Variants in PPP2R2C observed in about 807,000 individuals in gnomAD.
The protein encoded by PPP2R2C is protein phosphatase 2 regulatory subunit Bgamma, also known as protein phosphatase 2, regulatory subunit B, gamma.
Under a neutral mutation model 45.3 loss-of-function variants are expected in PPP2R2C, and 10 were observed. The observed-to-expected ratio is 0.22, with a 90% CI of 0.14 to 0.37. The LOEUF (loss-of-function observed/expected upper bound fraction) is 0.37. PPP2R2C is among the 10% of genes least tolerant of loss of function. PPP2R2C has a pLI of 1.00. For missense variants in PPP2R2C, 308 were observed against 619.7 expected, an observed-to-expected ratio of 0.50 and a Z score of 5.34; for synonymous variants, 257 against 245.4, an observed-to-expected ratio of 1.05 and a Z score of -0.44.
chr4:6,544,649 C>T (rs1395548078), intron 1 of PPP2R2C, among the ~76,000 whole-genome samples: 1 of 152,178 alleles, frequency 6.6e-6, no homozygotes, highest in Non-Finnish European at 1.5e-5. Context: ...AAAAGCATTC[C>T]TAAATTGTAT....
Position 6,378,486 on chromosome 4 carries a change from G to A in PPP2R2C, c.255C>T (p.Ser85=). The change falls in exon 3 of 9, where the codon AGC becomes AGT. Residue 85 remains serine, a synonymous_variant. Transcript: ENST00000382599. The surrounding 1 kb of genome is among the most constrained non-coding windows in gnomAD (Gnocchi z 5.2). The part of the protein sequence containing the change: ...SHEPEFDYLK[S]LEIEEKINKI... The stretch of plus-strand genomic sequence containing the variant: ...TGTTGATCTTCTCCTCTATCTCCAG[G>A]CTCTTGAGATAGTCAAACTCCGGCT... The A allele has an allele frequency of 6.2e-7, 1 of 1,614,140 alleles. No individual in the cohort carries two copies. The highest frequency in any genetic ancestry group is 8.5e-7 in the Non-Finnish European group (1 of 1,180,032).
chr4:6,363,017 C>T (rs1401206932), intron 5 of PPP2R2C, among the ~76,000 whole-genome samples: 3 of 152,308 alleles, frequency 2.0e-5, no homozygotes, highest in South Asian at 2.1e-4. Context: ...ACATCGGCAG[C>T]GTGCTCAGAA....
rs1399122406 is a variant in PPP2R2C at position 6,378,668 on chromosome 4, G to A, written c.169-96C>T. On this transcript the variant is annotated intron_variant, in intron 2 of 8. Coordinates refer to ENST00000382599, the MANE Select transcript of PPP2R2C (RefSeq NM_020416.4). The surrounding 1 kb of genome is among the most constrained non-coding windows in gnomAD (Gnocchi z 5.2). The stretch of plus-strand genomic sequence containing the variant: ...CCAGCAGGGCCGGCCGTGGGACCAA[G>A]TGCCGAGCCGTGCCAGGGATCCAAT... 3.2e-6 allele frequency: 4 copies of A among 1,269,470 alleles called. No individual in the cohort carries two copies. Among genetic ancestry groups the A allele is most frequent in the East Asian group, 2.3e-5 (1 of 42,736 alleles). The allele number at this position is 1,269,470 out of a possible 1,614,324, so 78.6% of individuals were successfully genotyped here.
intron 1 of PPP2R2C, among the ~76,000 whole-genome samples, chr4:6,441,405 G>A (rs73796204): frequency 0.02 from 3,014 of 151,944 alleles, 93 homozygotes; most frequent in African/African-American, 0.067. Flanking sequence ...TCCTCAGCCC[G>A]CCCCATGAGC....
intron 1 of PPP2R2C, among the ~76,000 whole-genome samples, chr4:6,424,080 T>G (rs1351484525): frequency 6.6e-6 from 1 of 152,158 alleles, no homozygotes; most frequent in Non-Finnish European, 1.5e-5. Context: ...GGATGTGGCT[T>G]AAGGCCAGGA....
intron 2 of PPP2R2C, among the ~76,000 whole-genome samples, chr4:6,534,832 G>C (rs1396622599): frequency 1.3e-5 from 2 of 152,232 alleles, no homozygotes; most frequent in Non-Finnish European, 2.9e-5. Flanking sequence ...TGTCTGTCTG[G>C]GTCGGCCGCT....
chr4:6,546,846 G>C (rs1000925143), intron 1 of PPP2R2C, among the ~76,000 whole-genome samples: 1 of 152,178 alleles, frequency 6.6e-6, no homozygotes, highest in African/African-American at 2.4e-5. Flanking sequence ...GCCGTGAAGC[G>C]GGGGCTCTGC....
chr4:6,387,156 A>G (rs1716269812), intron 1 of PPP2R2C, among the ~76,000 whole-genome samples: 1 of 152,118 alleles, frequency 6.6e-6, no homozygotes, highest in African/African-American at 2.4e-5. Context: ...GAGGGAGGGG[A>G]GAGAGAAGAT....
At chr4:6,522,998 C>G (rs867729308) in intron 2 of PPP2R2C, among the ~76,000 whole-genome samples, 1 of 152,198 alleles carries the variant, frequency 6.6e-6, no homozygotes, top group African/African-American at 2.4e-5. Context: ...AGGGGTGGAC[C>G]GGGGAGGCTC....
At chr4:6,526,325 T>C (rs1438592564) in intron 2 of PPP2R2C, among the ~76,000 whole-genome samples, 1 of 152,248 alleles carries the variant, frequency 6.6e-6, no homozygotes, top group African/African-American at 2.4e-5. Context: ...AGGCTATGCT[T>C]CCCAGCCTGA....
intron 2 of PPP2R2C, among the ~76,000 whole-genome samples, chr4:6,379,729 T>C (rs1012402837): frequency 6.6e-6 from 1 of 152,208 alleles, no homozygotes; most frequent in African/African-American, 2.4e-5. Context: ...GCAGCTAGGA[T>C]GTGCCCCTTG....
intron 6 of PPP2R2C, among the ~76,000 whole-genome samples, chr4:6,334,455 T>G (rs1732677431): frequency 6.6e-6 from 1 of 152,124 alleles, no homozygotes; most frequent in African/African-American, 2.4e-5. Context: ...CAATGAGGAC[T>G]CCCCAGACAG....
At chr4:6,375,784 A>C (rs1715248453) in intron 4 of PPP2R2C, 35 bp downstream of exon 4, 1 of 1,483,588 alleles carries the variant, frequency 6.7e-7, no homozygotes, top group Non-Finnish European at 9.3e-7. Flanking sequence ...TGTAATAAAG[A>C]GGCGTGTGCC....
At chr4:6,350,103 T>C in intron 5 of PPP2R2C, 1 of 985,404 alleles carries the variant, frequency 1.0e-6, no homozygotes, top group Non-Finnish European at 1.2e-6. Flanking sequence ...AAGGCATCAC[T>C]GCCTGGCTGG....
chr4:6,487,262 A>C (rs1236526103), intron 2 of PPP2R2C, among the ~76,000 whole-genome samples: 2 of 151,972 alleles, frequency 1.3e-5, no homozygotes, highest in Non-Finnish European at 2.9e-5. Context: ...TAAAATAATA[A>C]GAGAAAATAT....
intron 1 of PPP2R2C, among the ~76,000 whole-genome samples, chr4:6,446,561 G>C (rs1343061495): frequency 1.3e-5 from 2 of 152,154 alleles, no homozygotes; most frequent in Non-Finnish European, 2.9e-5. Context: ...ACACGGGAAA[G>C]CCCAGGACAC....
chr4:6,410,143 C>T (rs1718066280), intron 1 of PPP2R2C, among the ~76,000 whole-genome samples: 1 of 152,296 alleles, frequency 6.6e-6, no homozygotes, highest in East Asian at 1.9e-4. Flanking sequence ...CTCTTTAGAG[C>T]CCAAAGGTGT....
chr4:6,475,299 G>C (rs139823454), upstream of PPP2R2C, among the ~76,000 whole-genome samples: 1 of 152,278 alleles, frequency 6.6e-6, no homozygotes, highest in Non-Finnish European at 1.5e-5. Context: ...GTAGAGGAAA[G>C]CTCAATAAGG....
At chr4:6,390,826 C>A (rs1716579563) in intron 1 of PPP2R2C, among the ~76,000 whole-genome samples, 1 of 152,150 alleles carries the variant, frequency 6.6e-6, no homozygotes. Flanking sequence ...CACCGCCCGG[C>A]AGTGATGATC....
Sources: allele counts gnomAD v4.1 joint callset (sites outside exome capture counted in the v4.1 genomes callset), GRCh38; gene constraint gnomAD v4.1.1; non-coding constraint Gnocchi (gnomAD v3.1); transcripts MANE v1.5; gene names NCBI Gene and HGNC (gene_info 2026-07-23, HGNC 2026-07-21).